The following DLG2 variants were observed in gnomAD, a reference collection of about 807,000 sequenced individuals.
The protein encoded by DLG2 is disks large homolog 2.
In DLG2, 45 loss-of-function variants were observed where a neutral mutation model predicts 132.5. The observed-to-expected ratio is 0.34, with a 90% confidence interval of 0.27 to 0.44. DLG2 has a LOEUF of 0.44. DLG2 is among the 20% of genes least tolerant of loss of function. The pLI is 1.00. For missense variants in DLG2, 1,045 were observed against 1,196.9 expected (o/e 0.87, Z 1.87); for synonymous variants, 424 against 419.6 (o/e 1.01, Z -0.13).
intron 6 of DLG2, among the ~76,000 whole-genome samples, chr11:84,960,783 T>C (rs2052443952): frequency 1.3e-5 from 2 of 152,140 alleles, no homozygotes; most frequent in Non-Finnish European, 1.5e-5. Context: ...GTTCTTATAG[T>C]AAATACTGAT....
intron 18 of DLG2, among the ~76,000 whole-genome samples, chr11:83,768,437 T>G (rs2094236842): frequency 6.6e-6 from 1 of 152,220 alleles, no homozygotes; most frequent in Admixed American, 6.5e-5. Flanking sequence ...TTCATGACTT[T>G]TTCAGATGTC....
intron 7 of DLG2, among the ~76,000 whole-genome samples, chr11:84,502,538 G>A (rs1054655527): frequency 1.3e-5 from 2 of 150,664 alleles, no homozygotes; most frequent in South Asian, 2.1e-4. Context: ...TGGGACTACA[G>A]GGTCCCGCCA....
intron 5 of DLG2, among the ~76,000 whole-genome samples, chr11:85,122,752 G>A (rs2074476207): frequency 6.6e-6 from 1 of 151,232 alleles, no homozygotes; most frequent in Non-Finnish European, 1.5e-5. Flanking sequence ...TTTGAATAAG[G>A]GAGCAGTAGG....
At chr11:84,482,102 T>C (rs1403735718) in intron 7 of DLG2, among the ~76,000 whole-genome samples, 1 of 152,172 alleles carries the variant, frequency 6.6e-6, no homozygotes, top group Non-Finnish European at 1.5e-5. Flanking sequence ...AGCAACAAAA[T>C]ATAGATAAAT....
intron 6 of DLG2, among the ~76,000 whole-genome samples, chr11:84,901,085 A>G (rs1337295412): frequency 6.6e-6 from 1 of 152,120 alleles, no homozygotes; most frequent in African/African-American, 2.4e-5. Context: ...AGAAAAAGCA[A>G]TTAATAGACA....
At chr11:85,082,625 C>T (rs927693311) in intron 6 of DLG2, among the ~76,000 whole-genome samples, 1 of 149,860 alleles carries the variant, frequency 6.7e-6, no homozygotes, top group African/African-American at 2.5e-5. Context: ...GTAACAAAGA[C>T]AGCAAAAAGG....
intron 3 of DLG2, among the ~76,000 whole-genome samples, chr11:85,509,047 T>C (rs190542176): frequency 1.4e-4 from 21 of 152,208 alleles, no homozygotes; most frequent in Admixed American, 4.6e-4. Flanking sequence ...TGGGTTTTTA[T>C]TGTGAAATGC....
chr11:84,446,391 A>G (rs1025202928), intron 7 of DLG2, among the ~76,000 whole-genome samples: 4 of 151,956 alleles, frequency 2.6e-5, no homozygotes, highest in African/African-American at 9.7e-5. Context: ...CATGGTGAGT[A>G]TTTTCTGCAT....
intron 4 of DLG2, among the ~76,000 whole-genome samples, chr11:85,164,313 G>A (rs576071402): frequency 6.6e-6 from 1 of 152,004 alleles, no homozygotes; most frequent in East Asian, 1.9e-4. Context: ...GGAATATTTG[G>A]GGCTGGTACT....
intron 19 of DLG2, among the ~76,000 whole-genome samples, chr11:83,604,280 C>T (rs1266132068): frequency 6.6e-6 from 1 of 152,112 alleles, no homozygotes. Context: ...TAAGAGATTC[C>T]ACCTATTTCA....
At chr11:84,387,430 A>T (rs1454751883) in intron 7 of DLG2, among the ~76,000 whole-genome samples, 1 of 152,086 alleles carries the variant, frequency 6.6e-6, no homozygotes, top group Non-Finnish European at 1.5e-5. Context: ...GAAATTAGTT[A>T]TACAGAAAAA....
intron 7 of DLG2, among the ~76,000 whole-genome samples, chr11:84,321,802 CAG>C (rs1454788989): frequency 1.3e-5 from 2 of 152,178 alleles, no homozygotes; most frequent in Non-Finnish European, 2.9e-5. Context: ...CTCTTTTACT[CAG>C]AAATTCTGGT....
At chr11:84,347,961 T>A (rs553975926) in intron 7 of DLG2, among the ~76,000 whole-genome samples, 291 of 152,276 alleles carry the variant, frequency 1.9e-3, no homozygotes, top group African/African-American at 6.8e-3. Flanking sequence ...CTTTGGTGAG[T>A]AATTATATCT....
chr11:84,121,318 G>A (rs563158878), intron 9 of DLG2, among the ~76,000 whole-genome samples: 15 of 152,000 alleles, frequency 9.9e-5, no homozygotes, highest in South Asian at 6.2e-4. Context: ...TTCATAATAC[G>A]TATCCCTGGT....
intron 6 of DLG2, among the ~76,000 whole-genome samples, chr11:85,038,488 T>C (rs890673401): frequency 6.6e-6 from 1 of 152,050 alleles, no homozygotes; most frequent in South Asian, 2.1e-4. Context: ...CTACTGAGGT[T>C]ACTGAGATAT....
At chr11:85,374,338 T>C (rs2085231225) in intron 3 of DLG2, among the ~76,000 whole-genome samples, 2 of 152,156 alleles carry the variant, frequency 1.3e-5, no homozygotes, top group Non-Finnish European at 2.9e-5. Context: ...GGGGAAATAA[T>C]AATTATAAAA....
rs181524598 is a variant in DLG2 at position 85,008,165 on chromosome 11, A to T, written c.357+103496T>A. The stretch of plus-strand genomic sequence containing the variant: ...TGAAATGAGTTTTGATATCAAGAGT[A>T]TATAAAACTTTTCATTTTATGAAAG... On this transcript the variant is annotated intron_variant, in intron 6 of 27. Transcript: ENST00000376104. Among the ~76,000 whole-genome samples the T allele has an allele frequency of 2.8e-3, 431 of 152,316 alleles. 7 individuals carry two copies. The highest frequency in any genetic ancestry group is 0.014 in the East Asian group (72 of 5,186).
chr11:85,231,267 G>T (rs1565190768), intron 4 of DLG2, among the ~76,000 whole-genome samples: 2 of 151,908 alleles, frequency 1.3e-5, no homozygotes, highest in Admixed American at 6.6e-5. Context: ...ATGTACTTCA[G>T]TGTGGATAGT....
intron 7 of DLG2, among the ~76,000 whole-genome samples, chr11:84,359,335 T>C (rs2098636414): frequency 6.6e-6 from 1 of 151,906 alleles, no homozygotes; most frequent in Non-Finnish European, 1.5e-5. Context: ...GATTTACCTT[T>C]AATCTTAACA....
Sources: gnomAD v4.1 joint callset for allele counts (sites outside exome capture counted in the v4.1 genomes callset) on GRCh38, gnomAD v4.1.1 for gene constraint, MANE v1.5 for transcripts, NCBI Gene and HGNC (gene_info 2026-07-23, HGNC 2026-07-21) for gene names.